PDE4D: variants seen among roughly 807,000 people sequenced by gnomAD.
The protein encoded by PDE4D is 3',5'-cyclic-AMP phosphodiesterase 4D.
Under a neutral mutation model 87.4 loss-of-function variants are expected in PDE4D, and 24 were observed. That is an observed-to-expected ratio of 0.27 (90% CI 0.20 to 0.39). PDE4D has a LOEUF of 0.39. Among genes scored for constraint, PDE4D ranks in the 10% least tolerant of loss-of-function variants. The pLI, the probability that PDE4D is intolerant of heterozygous loss-of-function variation, is 1.00. For synonymous variants in PDE4D, 384 were observed against 383.2 expected, an observed-to-expected ratio of 1.00 and a Z score of -0.02; for missense variants, 714 against 1,041.0, an observed-to-expected ratio of 0.69 and a Z score of 4.32.
intron 1 of PDE4D, among the ~76,000 whole-genome samples, chr5:60,208,579 C>T (rs967910793): frequency 6.6e-6 from 1 of 152,172 alleles, no homozygotes; most frequent in African/African-American, 2.4e-5. Flanking sequence ...GAAAAGGGCA[C>T]CAAGCTCCAA....
intron 1 of PDE4D, among the ~76,000 whole-genome samples, chr5:59,811,438 T>C (rs1310868081): frequency 6.6e-6 from 1 of 152,244 alleles, no homozygotes; most frequent in Non-Finnish European, 1.5e-5. Context: ...GCCATTTTAA[T>C]CACTCTCAAA....
intron 1 of PDE4D, chr5:59,430,537 G>A (rs1250878859): frequency 2.6e-6 from 2 of 755,004 alleles, no homozygotes; most frequent in Non-Finnish European, 3.6e-6. Context: ...CTGGTTGCCC[G>A]GTGCTTCTTT....
chr5:59,106,953 T>A (rs1771684522), intron 5 of PDE4D, among the ~76,000 whole-genome samples: 1 of 152,210 alleles, frequency 6.6e-6, no homozygotes, highest in Non-Finnish European at 1.5e-5. Flanking sequence ...GTTTTGAATA[T>A]CCCACCACCT....
intron 1 of PDE4D, among the ~76,000 whole-genome samples, chr5:59,762,032 T>C (rs1220354880): frequency 1.3e-5 from 2 of 152,082 alleles, no homozygotes; most frequent in Non-Finnish European, 2.9e-5. Context: ...CCATCAAATA[T>C]GCAGTCCACC....
chr5:59,587,792 C>T (rs923429406), intron 1 of PDE4D, among the ~76,000 whole-genome samples: 2 of 152,164 alleles, frequency 1.3e-5, no homozygotes, highest in African/African-American at 4.8e-5. Context: ...CCTGGAAGAG[C>T]AGACTTCTTT....
chr5:60,153,662 TTG>T (rs1454427947), intron 2 of PDE4D, among the ~76,000 whole-genome samples: 2 of 152,178 alleles, frequency 1.3e-5, no homozygotes, highest in East Asian at 3.8e-4. Flanking sequence ...AATGTAGTGG[TTG>T]TGTGTATACT....
At chr5:60,512,592 A>T (rs1750626147) in intron 1 of PDE4D, among the ~76,000 whole-genome samples, 1 of 152,252 alleles carries the variant, frequency 6.6e-6, no homozygotes, top group Non-Finnish European at 1.5e-5. Context: ...AAGACTTTGG[A>T]TGGCAATGGA....
chr5:59,211,223 TCTTA>T (rs1297860499), intron 2 of PDE4D, among the ~76,000 whole-genome samples: 11 of 152,188 alleles, frequency 7.2e-5, no homozygotes, highest in Non-Finnish European at 1.6e-4. Flanking sequence ...TTTTTCTTTT[TCTTA>T]CTTTTCTTAA....
intron 1 of PDE4D, among the ~76,000 whole-genome samples, chr5:60,280,916 G>T (rs1033543160): frequency 6.6e-6 from 1 of 152,120 alleles, no homozygotes; most frequent in Admixed American, 6.5e-5. Flanking sequence ...AATCTCTAAG[G>T]CTTTGGAGGT....
chr5:59,599,228 T>G (rs1160368274), intron 1 of PDE4D, among the ~76,000 whole-genome samples: 1 of 112,452 alleles, frequency 8.9e-6, no homozygotes, highest in East Asian at 2.7e-4. Context: ...TGCTGTTTTT[T>G]GCTTTTTCTT....
chr5:59,551,347 AT>A lies in PDE4D; in HGVS notation c.456-335380del, dbSNP rs1195250152. The stretch of plus-strand genomic sequence containing the variant: ...TTAATAAAATATATATCCAATGTAT[AT>A]TTTTATATAAGGTTTAAAGAAAGAA... On this transcript the variant is annotated intron_variant, in intron 1 of 14. Transcript: ENST00000340635. Among the ~76,000 whole-genome samples the A allele has an allele frequency of 2.3e-4, 34 of 150,376 alleles. 1 individual carries two copies. In the East Asian group the frequency reaches 6.0e-3, roughly 27 times the overall value.
rs116416545 is a variant in PDE4D, at chr5:60,359,515, C to T, written c.-90+128427G>A. 4.8e-3 allele frequency among the ~76,000 whole-genome samples: 732 copies of T among 152,110 alleles called. 6 individuals are homozygous for T. Among genetic ancestry groups the T allele is most frequent in the African/African-American group, 0.016 (681 of 41,486 alleles). On this transcript the variant is annotated intron_variant, in intron 1 of 16. Transcript: ENST00000502484. ...GTGGGTCTTATAAAGAAGTAGTAGC[C>T]GATTTTCCCCTATAAATATTTGAAT...
At chr5:60,071,102 A>G (rs923536603) in intron 2 of PDE4D, among the ~76,000 whole-genome samples, 2 of 151,922 alleles carry the variant, frequency 1.3e-5, no homozygotes, top group Non-Finnish European at 2.9e-5. Flanking sequence ...AGGTTTTACC[A>G]ATTTAGTTTA....
intron 6 of PDE4D, among the ~76,000 whole-genome samples, chr5:59,006,846 A>T (rs2153359771): frequency 6.6e-6 from 1 of 152,298 alleles, no homozygotes; most frequent in Non-Finnish European, 1.5e-5. Flanking sequence ...AAGAGAGAAA[A>T]GATGCATTTT....
intron 3 of PDE4D, among the ~76,000 whole-genome samples, chr5:59,938,847 T>C (rs953045387): frequency 7.2e-5 from 11 of 152,228 alleles, no homozygotes; most frequent in Non-Finnish European, 1.3e-4. Flanking sequence ...CATACAGCTC[T>C]ACATTAAAAT....
chr5:59,175,774 G>A (rs185473790), intron 5 of PDE4D, among the ~76,000 whole-genome samples: 1,695 of 136,332 alleles, frequency 0.012, 21 homozygotes, highest in Admixed American at 0.047. Flanking sequence ...CACCATGCCC[G>A]GCCTCCATTT....
intron 1 of PDE4D, among the ~76,000 whole-genome samples, chr5:60,379,318 G>A (rs1022018333): frequency 6.6e-6 from 1 of 152,138 alleles, no homozygotes; most frequent in African/African-American, 2.4e-5. Flanking sequence ...TTTTTACCAA[G>A]TATAGCTGAT....
At chr5:60,195,550 A>G (rs1458450553) in intron 1 of PDE4D, among the ~76,000 whole-genome samples, 1 of 151,688 alleles carries the variant, frequency 6.6e-6, no homozygotes, top group African/African-American at 2.4e-5. Context: ...CTCCAAAATG[A>G]TAACAGCAAT....
At chr5:59,650,415 C>A (rs904666407) in intron 1 of PDE4D, among the ~76,000 whole-genome samples, 1 of 152,090 alleles carries the variant, frequency 6.6e-6, no homozygotes, top group African/African-American at 2.4e-5. Context: ...AATGAGGAGG[C>A]TGAAGATGCA....
Sources: allele counts gnomAD v4.1 joint callset (sites outside exome capture counted in the v4.1 genomes callset), GRCh38; gene constraint gnomAD v4.1.1; transcripts MANE v1.5; gene names NCBI Gene and HGNC (gene_info 2026-07-23, HGNC 2026-07-21).